Variants in COL21A1 observed in about 807,000 individuals in gnomAD.
The protein encoded by COL21A1 is collagen type XXI alpha 1 chain, also known as collagen alpha-1(XXI) chain.
A neutral mutation model predicts 137.9 loss-of-function variants in COL21A1; 149 were observed. The ratio of observed to expected loss-of-function variants is 1.08; its 90% confidence interval spans 0.95 to 1.24. The LOEUF (loss-of-function observed/expected upper bound fraction) is 1.24. Ranked by LOEUF, COL21A1 falls within the 50% of genes most tolerant of loss-of-function variation. The pLI is 0.00. For missense variants in COL21A1, 1,167 were observed against 1,158.4 expected, an observed-to-expected ratio of 1.01 and a Z score of -0.11; for synonymous variants, 456 against 391.5, an observed-to-expected ratio of 1.16 and a Z score of -1.95.
chr6:56,284,632 C>A (rs1250479338), intron 1 of COL21A1, among the ~76,000 whole-genome samples: 1 of 152,114 alleles, frequency 6.6e-6, no homozygotes, highest in Non-Finnish European at 1.5e-5. Context: ...GCCAGAATTA[C>A]CATTCTAAGA....
intron 12 of COL21A1, among the ~76,000 whole-genome samples, chr6:56,134,001 T>C (rs567339758): frequency 1.3e-5 from 2 of 152,212 alleles, no homozygotes; most frequent in African/African-American, 4.8e-5. Context: ...AAATGTGGGG[T>C]TGGAGCCCCC....
At chr6:56,240,086 G>A (rs1782190726) in intron 1 of COL21A1, among the ~76,000 whole-genome samples, 1 of 151,870 alleles carries the variant, frequency 6.6e-6, no homozygotes, top group African/African-American at 2.4e-5. Flanking sequence ...CTGCCACCAG[G>A]CAAGATGTGT....
intron 1 of COL21A1, among the ~76,000 whole-genome samples, chr6:56,226,292 T>C (rs1781189498): frequency 6.6e-6 from 1 of 151,774 alleles, no homozygotes; most frequent in Non-Finnish European, 1.5e-5. Context: ...ATCATTCCTT[T>C]CTAGAAAGAA....
chr6:56,071,897 C>A (rs1184716493), intron 20 of COL21A1, among the ~76,000 whole-genome samples: 1 of 151,410 alleles, frequency 6.6e-6, no homozygotes, highest in African/African-American at 2.4e-5. Context: ...TGGTTTGCTG[C>A]ACCTATCAAC....
At position 56,059,145 on chromosome 6, in the gene COL21A1, G is replaced by A. The variant is rs764078002; in HGVS notation, c.2686+20C>T. 1.3e-5 allele frequency: 21 copies of A among 1,589,556 alleles called. No individual in the cohort carries two copies. The East Asian group carries it at 2.5e-4, about 19-fold the overall frequency. On this transcript the variant is annotated intron_variant, in intron 29 of 29. Transcript: ENST00000244728. ...AAGCAAAATGAGCAGTAACACTTAT[G>A]AGCAGGTAGCAATTCTCACCTGGGG...
At chr6:56,315,902 A>G (rs1432485259) in intron 1 of COL21A1, among the ~76,000 whole-genome samples, 2 of 152,226 alleles carry the variant, frequency 1.3e-5, no homozygotes, top group Admixed American at 1.3e-4. Context: ...AGTGATAGAT[A>G]TGTTAAATTA....
At chr6:56,164,608 AT>A (rs1022869941) in intron 8 of COL21A1, 102 bp from the exon 9 acceptor site, 2 of 955,408 alleles carry the variant, frequency 2.1e-6, no homozygotes, top group Non-Finnish European at 3.2e-6. Flanking sequence ...AATGGCAAAA[AT>A]ATCTTACATT....
At chr6:56,389,069 A>G (rs2094024101) in intron 1 of COL21A1, among the ~76,000 whole-genome samples, 2 of 152,212 alleles carry the variant, frequency 1.3e-5, no homozygotes, top group Admixed American at 1.3e-4. Context: ...CTACATAAAA[A>G]TATGCAAAGG....
At chr6:56,243,011 T>C (rs901550764) in intron 1 of COL21A1, among the ~76,000 whole-genome samples, 4 of 152,298 alleles carry the variant, frequency 2.6e-5, no homozygotes, top group Middle Eastern at 3.4e-3. Flanking sequence ...ATATGAATTG[T>C]TATCCAGTGC....
At chr6:56,144,875 C>T (rs951329764) in intron 10 of COL21A1, among the ~76,000 whole-genome samples, 3 of 152,200 alleles carry the variant, frequency 2.0e-5, no homozygotes, top group Non-Finnish European at 4.4e-5. Context: ...GAGATTTTGG[C>T]TAAGTCACTT....
intron 16 of COL21A1, among the ~76,000 whole-genome samples, chr6:56,102,113 T>C (rs1770514576): frequency 6.6e-6 from 1 of 152,186 alleles, no homozygotes; most frequent in Admixed American, 6.5e-5. Context: ...AGGTTAAGCA[T>C]CTTATTTTAC....
At chr6:56,232,093 T>C (rs1781604263) in intron 1 of COL21A1, among the ~76,000 whole-genome samples, 1 of 151,878 alleles carries the variant, frequency 6.6e-6, no homozygotes. Context: ...CTAGTACATA[T>C]AACCTTAAAT....
chr6:56,384,547 G>T (rs2094014268), intron 1 of COL21A1, among the ~76,000 whole-genome samples: 1 of 152,292 alleles, frequency 6.6e-6, no homozygotes, highest in Non-Finnish European at 1.5e-5. Context: ...TAAGCCAAAA[G>T]AACACCAAAG....
chr6:56,134,795 C>T (rs916034229), intron 12 of COL21A1, among the ~76,000 whole-genome samples: 1 of 152,184 alleles, frequency 6.6e-6, no homozygotes, highest in Non-Finnish European at 1.5e-5. Context: ...TTTCTCTTTG[C>T]CTGCTGCCAT....
intron 17 of COL21A1, among the ~76,000 whole-genome samples, chr6:56,099,488 G>C (rs1283470166): frequency 6.6e-6 from 1 of 151,594 alleles, no homozygotes; most frequent in Non-Finnish European, 1.5e-5. Flanking sequence ...CAGCCGCCTC[G>C]GCCTCCCAAA....
intron 3 of COL21A1, among the ~76,000 whole-genome samples, chr6:56,178,003 T>C (rs1311809328): frequency 2.0e-5 from 3 of 152,140 alleles, no homozygotes; most frequent in Non-Finnish European, 4.4e-5. Context: ...ACATTTTAAC[T>C]AAAAGAGTGT....
intron 1 of COL21A1, among the ~76,000 whole-genome samples, chr6:56,202,675 T>C (rs1779489307): frequency 6.6e-6 from 1 of 152,208 alleles, no homozygotes; most frequent in Non-Finnish European, 1.5e-5. Flanking sequence ...AGAGTCTGTT[T>C]TCACACTGCA....
chr6:56,082,660 T>A (rs1423587300), intron 17 of COL21A1, among the ~76,000 whole-genome samples: 1 of 151,680 alleles, frequency 6.6e-6, no homozygotes, highest in African/African-American at 2.4e-5. Context: ...ATTCTACTAT[T>A]TTTTTTGAAT....
intron 17 of COL21A1, among the ~76,000 whole-genome samples, chr6:56,082,790 T>A (rs931907803): frequency 6.6e-6 from 1 of 150,770 alleles, no homozygotes; most frequent in Non-Finnish European, 1.5e-5. Context: ...ATTTTTAAAC[T>A]TAATTTATAC....
Sources: allele counts gnomAD v4.1 joint callset (sites outside exome capture counted in the v4.1 genomes callset), GRCh38; gene constraint gnomAD v4.1.1; transcripts MANE v1.5; gene names NCBI Gene and HGNC (gene_info 2026-07-23, HGNC 2026-07-21).